Variants in PCDHA1 observed in about 807,000 individuals in gnomAD.
PCDHA1 encodes the protein protocadherin alpha-1.
Under a neutral mutation model 61.3 loss-of-function variants are expected in PCDHA1, and 42 were observed. That is an observed-to-expected ratio of 0.69 (90% CI 0.54 to 0.89). PCDHA1 has a LOEUF of 0.89. PCDHA1 is among the 40% of genes least tolerant of loss of function. The pLI is 0.00. For missense variants in PCDHA1, 1,256 were observed against 1,235.3 expected (o/e 1.02, Z -0.25); for synonymous variants, 610 against 553.8 (o/e 1.10, Z -1.43).
rs2150214533 is a variant in PCDHA1, at chr5:140,834,253, C to T, written c.2394+45569C>T. On this transcript the variant is annotated intron_variant, in intron 1 of 3. Transcript: ENST00000504120. ...GTCATTCCTTTTCGCACTGGAAAGA[C>T]GCTCCACTCTCTTTCACTCTTTGGA... The T allele has an allele frequency of 2.7e-5, 25 of 919,776 alleles. No homozygotes were observed. The East Asian group carries it at 5.9e-4, about 22-fold the overall frequency. The allele number at this position is 919,776 out of a possible 1,614,324, so 57.0% of individuals were successfully genotyped here. A position where few individuals can be genotyped will look rare whatever the true frequency, so the allele number is the denominator to read the frequency against.
At chr5:140,865,799 T>A (rs1286819785) in intron 1 of PCDHA1, 1 of 152,200 alleles carries the variant, frequency 6.6e-6, no homozygotes, top group East Asian at 1.9e-4. Context: ...GGCTTCAGAC[T>A]CATTCTTTTA....
chr5:140,869,652 A>C (rs2051311295), intron 1 of PCDHA1: 4 of 1,613,458 alleles, frequency 2.5e-6, no homozygotes, highest in South Asian at 2.2e-5. Context: ...TAGATTCACC[A>C]ACAAATGGTA....
At chr5:140,927,630 A>C in intron 1 of PCDHA1, 1 of 1,614,182 alleles carries the variant, frequency 6.2e-7, no homozygotes, top group Non-Finnish European at 8.5e-7. Context: ...CAGAGACTGC[A>C]CCCAATGGGA....
Position 140,787,418 on chromosome 5 carries a change from C to T in PCDHA1, c.1128C>T (p.Asp376=), listed in dbSNP as rs1581596092. The T allele has an allele frequency of 1.2e-6, 2 of 1,614,264 alleles. No homozygotes were observed. The highest frequency in any genetic ancestry group is 1.7e-6 in the Non-Finnish European group (2 of 1,180,044). The change falls in exon 1 of 4, where the codon GAC becomes GAT. Residue 376 remains aspartate (D), a synonymous_variant. Transcript: ENST00000504120. ...STVIALITVS[D]RDSGANGQVT... is the part of the protein sequence containing the mutation. ...TCATCGCCCTCATCACCGTGTCTGA[C>T]CGTGACTCAGGTGCCAACGGGCAGG...
intron 1 of PCDHA1, among the ~76,000 whole-genome samples, chr5:140,839,858 G>A (rs2150301292): frequency 6.6e-6 from 1 of 152,038 alleles, no homozygotes; most frequent in East Asian, 1.9e-4. Context: ...TACTTTTGAG[G>A]TGGACTTTGA....
chr5:140,951,008 G>A (rs563188363), intron 1 of PCDHA1, among the ~76,000 whole-genome samples: 2 of 151,974 alleles, frequency 1.3e-5, no homozygotes, highest in South Asian at 4.2e-4. Flanking sequence ...TTTTTCCCAA[G>A]ATCAGGCAGT....
intron 1 of PCDHA1, chr5:140,850,778 C>G (rs371734141): frequency 6.3e-7 from 1 of 1,597,940 alleles, no homozygotes; most frequent in Non-Finnish European, 8.6e-7. Context: ...TGTGCTCTGG[C>G]GAGGGTAAGC....
chr5:140,834,624 A>G (rs2150222938), intron 1 of PCDHA1: 1 of 1,614,104 alleles, frequency 6.2e-7, no homozygotes, highest in East Asian at 2.2e-5. Context: ...AAATCTGCAG[A>G]ATGGCATTTT....
intron 1 of PCDHA1, chr5:140,830,578 T>C: frequency 1.2e-6 from 1 of 823,976 alleles, no homozygotes; most frequent in Non-Finnish European, 1.7e-6. Flanking sequence ...TTTTTAATTT[T>C]TAATTAATTT....
intron 1 of PCDHA1, chr5:140,830,000 C>A: frequency 6.2e-7 from 1 of 1,613,984 alleles, no homozygotes; most frequent in South Asian, 1.1e-5. Context: ...CACTCGTGTC[C>A]TGGACGAAGC....
chr5:140,908,256 A>G (rs192899359), intron 1 of PCDHA1, among the ~76,000 whole-genome samples: 9 of 152,248 alleles, frequency 5.9e-5, no homozygotes, highest in Non-Finnish European at 1.0e-4. Flanking sequence ...AACTGATCAT[A>G]GGGAACTCCC....
chr5:140,971,050 C>G (rs2096454255), intron 1 of PCDHA1, among the ~76,000 whole-genome samples: 1 of 152,146 alleles, frequency 6.6e-6, no homozygotes, highest in South Asian at 2.1e-4. Context: ...AAGGGTTTAG[C>G]TTTAAATAAG....
chr5:140,836,197 C>A (rs2150255199), intron 1 of PCDHA1: 1 of 1,613,818 alleles, frequency 6.2e-7, no homozygotes. Context: ...GGCTACAACG[C>A]GTGGCTTTCG....
chr5:140,855,911 G>A (rs2043669744), intron 1 of PCDHA1: 4 of 1,166,768 alleles, frequency 3.4e-6, no homozygotes, highest in East Asian at 4.8e-5. Context: ...AGTTTCTCAA[G>A]GACTAGGAAG....
intron 1 of PCDHA1, among the ~76,000 whole-genome samples, chr5:140,937,638 CATGGTGG>C (rs1563162054): frequency 2.0e-5 from 3 of 150,048 alleles, no homozygotes; most frequent in South Asian, 4.2e-4. Flanking sequence ...AAAGGCAGGG[CATGGTGG>C]CTCACGCCTG....
At chr5:141,001,975 G>T (rs900969211) in intron 3 of PCDHA1, among the ~76,000 whole-genome samples, 2 of 152,302 alleles carry the variant, frequency 1.3e-5, no homozygotes, top group Non-Finnish European at 2.9e-5. Flanking sequence ...GTCTCTGCGC[G>T]GAAAGCCTGG....
At chr5:140,880,241 C>T (rs529552139) in intron 1 of PCDHA1, among the ~76,000 whole-genome samples, 12 of 150,302 alleles carry the variant, frequency 8.0e-5, no homozygotes, top group South Asian at 4.2e-4. Flanking sequence ...AGTGTATGTG[C>T]GTGTGTGTAT....
At position 140,857,609 on chromosome 5, in the gene PCDHA1, C is replaced by T; in HGVS notation, c.2394+68925C>T. 1.3e-6 allele frequency: 2 copies of T among 1,596,206 alleles called. 1 individual carries two copies. Among genetic ancestry groups the T allele is most frequent in the African/African-American group, 2.7e-5 (2 of 74,262 alleles). ...GAGCGGCAAGGTGTACGCGCTGCAG[C>T]CGCTGGACCACGAGGAGCTGGAGCT... is the stretch of plus-strand genomic sequence containing the variant. On this transcript the variant is annotated intron_variant, in intron 1 of 3. Transcript: ENST00000504120.
intron 3 of PCDHA1, among the ~76,000 whole-genome samples, chr5:140,995,268 C>G (rs2097673323): frequency 6.6e-6 from 1 of 152,110 alleles, no homozygotes; most frequent in Non-Finnish European, 1.5e-5. Flanking sequence ...AATACAAGCC[C>G]TTTGATACCA....
Sources: gnomAD v4.1 joint callset for allele counts (sites outside exome capture counted in the v4.1 genomes callset) on GRCh38, gnomAD v4.1.1 for gene constraint, MANE v1.5 for transcripts, NCBI Gene and HGNC (gene_info 2026-07-23, HGNC 2026-07-21) for gene names.